Variants in ASXL2 observed in about 807,000 individuals in gnomAD.
ASXL2 encodes putative Polycomb group protein ASXL2.
Under a neutral mutation model 122.0 loss-of-function variants are expected in ASXL2, and 23 were observed. The ratio of observed to expected loss-of-function variants is 0.19; its 90% confidence interval spans 0.14 to 0.27. The LOEUF (loss-of-function observed/expected upper bound fraction) is 0.27. Ranked by LOEUF, ASXL2 falls within the 10% of genes least tolerant of loss-of-function variation. ASXL2 has a pLI of 1.00. For synonymous variants in ASXL2, 650 were observed against 637.0 expected, an observed-to-expected ratio of 1.02 and a Z score of -0.31; for missense variants, 1,518 against 1,713.8, an observed-to-expected ratio of 0.89 and a Z score of 2.02.
At chr2:25,806,457 T>C (rs1306754058) in intron 3 of ASXL2, 120 bp from the exon 4 acceptor site, 3 of 597,790 alleles carry the variant, frequency 5.0e-6, no homozygotes, top group East Asian at 5.7e-5. Context: ...AAACATATCT[T>C]ATAAACTATA....
At chr2:25,810,745 C>CTTGA in intron 3 of ASXL2, 1 of 588,734 alleles carries the variant, frequency 1.7e-6, no homozygotes, top group South Asian at 1.5e-5. Context: ...CAAGTCTTGC[C>CTTGA]TTGAGCCAGT....
At chr2:25,823,624 C>T (rs980520452) in intron 3 of ASXL2, among the ~76,000 whole-genome samples, 3 of 152,046 alleles carry the variant, frequency 2.0e-5, no homozygotes, top group African/African-American at 4.8e-5. Context: ...GAAAGCTGTA[C>T]ATTGTTGTTT....
chr2:25,814,533 C>T (rs561294142), intron 3 of ASXL2, among the ~76,000 whole-genome samples: 1 of 152,298 alleles, frequency 6.6e-6, no homozygotes, highest in South Asian at 2.1e-4. Context: ...AAGTCAGCTT[C>T]TAATTTTTCT....
At position 25,799,402 on chromosome 2, in the gene ASXL2, C is replaced by A; in HGVS notation, c.386G>T (p.Ser129Ile). ...GGATTTACCTTTCCTTTTCCACCTG[C>A]TCTTTTTTCCCTCCTTGTTGCTGCC... ...DGGSNKEGKK[S>I]RWKRKVSSSS... is the part of the protein sequence containing the mutation. The change falls in exon 5 of 13, where the codon AGC (serine) becomes ATC (isoleucine). Residue 129 changes from serine to isoleucine, a missense_variant. Ser to Ile is a moderately radical substitution (Grantham distance 142). Coordinates refer to ENST00000435504, the MANE Select transcript of ASXL2 (RefSeq NM_018263.6). 1 of 1,614,044 alleles carries A rather than the reference C, an allele frequency of 6.2e-7. No homozygotes were observed.
chr2:25,869,323 T>C (rs937612570), intron 1 of ASXL2, among the ~76,000 whole-genome samples: 2 of 150,386 alleles, frequency 1.3e-5, no homozygotes, highest in African/African-American at 4.9e-5. Flanking sequence ...GAGTAAAACG[T>C]TGTCTCCAAA....
At chr2:25,876,500 G>T (rs2090010863) in intron 1 of ASXL2, among the ~76,000 whole-genome samples, 1 of 152,068 alleles carries the variant, frequency 6.6e-6, no homozygotes, top group African/African-American at 2.4e-5. Flanking sequence ...GAAAGACCCT[G>T]TCTCTACAAA....
At chr2:25,803,441 C>G (rs745343659) in intron 4 of ASXL2, among the ~76,000 whole-genome samples, 1 of 152,140 alleles carries the variant, frequency 6.6e-6, no homozygotes, top group African/African-American at 2.4e-5. Flanking sequence ...CTGGGACTTG[C>G]GACAGTTGGC....
At position 25,748,454 on chromosome 2, in the gene ASXL2, CA is replaced by C. The variant is rs1457969409; in HGVS notation, c.1860+1241del. Among the ~76,000 whole-genome samples the C allele has an allele frequency of 5.3e-5, 8 of 151,706 alleles. No homozygotes were observed. The Middle Eastern group carries it at 0.01, about 194-fold the overall frequency. On this transcript the variant is annotated intron_variant, in intron 12 of 12. Transcript: ENST00000435504. ...CTGGGAGGTGGAGACTGCAGTGAGC[CA>C]AGATTGTGCCACTGCACTCCAGCCT... is the stretch of plus-strand genomic sequence containing the variant.
In ASXL2 at chr2:25,824,600, C is replaced by T. The variant is rs148914284; in HGVS notation, c.143+10938G>A. On this transcript the variant is annotated intron_variant, in intron 3 of 12. Coordinates refer to ENST00000435504, the MANE Select transcript of ASXL2 (RefSeq NM_018263.6). ...GCAATTTTGCTATCAATTCAAGAAT[C>T]GAACAAAATCAGAAACTCAGGTTTA... Among the ~76,000 whole-genome samples the T allele has an allele frequency of 5.6e-3, 856 of 152,228 alleles. 6 individuals carry two copies. Among genetic ancestry groups the T allele is most frequent in the African/African-American group, 0.017 (717 of 41,542 alleles).
intron 1 of ASXL2, among the ~76,000 whole-genome samples, chr2:25,849,029 G>C (rs949992890): frequency 4.6e-5 from 3 of 65,164 alleles, no homozygotes; most frequent in Non-Finnish European, 8.1e-5. Flanking sequence ...TGGATGACAA[G>C]AGCGAAACTC....
chr2:25,809,916 T>C (rs1256457642), intron 3 of ASXL2: 11 of 516,128 alleles, frequency 2.1e-5, no homozygotes, highest in Non-Finnish European at 4.2e-5. Context: ...AGGGTGAGAC[T>C]GAGGTGCTCT....
chr2:25,779,957 TC>T (rs2088607186), intron 5 of ASXL2, among the ~76,000 whole-genome samples: 1 of 152,170 alleles, frequency 6.6e-6, no homozygotes, highest in Non-Finnish European at 1.5e-5. Context: ...AACCTCTGCC[TC>T]CCAGGTTCAA....
intron 1 of ASXL2, among the ~76,000 whole-genome samples, chr2:25,858,779 G>A (rs2089811956): frequency 6.6e-6 from 1 of 151,254 alleles, no homozygotes. Context: ...GGAAGAAATG[G>A]TGACAAATAA....
chr2:25,744,134 C>T lies in ASXL2; in HGVS notation c.2203G>A (p.Gly735Arg), dbSNP rs1055930334. 1 of 1,613,980 alleles carries T rather than the reference C, an allele frequency of 6.2e-7. No individual in the cohort carries two copies. ...KGPTLELAGT[G>R]SRGGTRELLP... ...AGCTCTCTCGTACCTCCCCTGCTTC[C>T]AGTTCCTGCCAGTTCCAGTGTGGGG... The change falls in exon 13 of 13, where the codon GGA (glycine) becomes AGA (arginine). Residue 735 changes from glycine to arginine, a missense_variant. By Grantham distance (125) the Gly-to-Arg change is moderately radical. Transcript: ENST00000435504. The surrounding 1 kb of genome is among the most constrained non-coding windows in gnomAD (Gnocchi z 4.7).
chr2:25,871,497 T>TC (rs1261815658), intron 1 of ASXL2, among the ~76,000 whole-genome samples: 5 of 135,440 alleles, frequency 3.7e-5, no homozygotes, highest in Non-Finnish European at 8.2e-5. Flanking sequence ...AAATCTGCTT[T>TC]TTTCCCCTCC....
At chr2:25,817,898 G>T (rs887853155) in intron 3 of ASXL2, among the ~76,000 whole-genome samples, 9 of 152,112 alleles carry the variant, frequency 5.9e-5, no homozygotes, top group Non-Finnish European at 1.0e-4. Flanking sequence ...AAGATCAAGA[G>T]ACAAGCCAAA....
At chr2:25,770,696 A>G (rs2088433581) in intron 6 of ASXL2, among the ~76,000 whole-genome samples, 1 of 151,988 alleles carries the variant, frequency 6.6e-6, no homozygotes, top group South Asian at 2.1e-4. Flanking sequence ...CGGAGGTTGC[A>G]CTAGGCAACA....
chr2:25,807,596 C>T (rs1020161783), intron 3 of ASXL2, among the ~76,000 whole-genome samples: 3 of 151,628 alleles, frequency 2.0e-5, no homozygotes, highest in African/African-American at 7.3e-5. Context: ...ATAAAAATTG[C>T]CAAGAAATTT....
intron 3 of ASXL2, among the ~76,000 whole-genome samples, chr2:25,818,500 G>C (rs1323981650): frequency 6.6e-6 from 1 of 152,124 alleles, no homozygotes; most frequent in African/African-American, 2.4e-5. Flanking sequence ...GACTGAGTGA[G>C]AGCTCATCTC....
Sources: gnomAD v4.1 joint callset for allele counts (sites outside exome capture counted in the v4.1 genomes callset) on GRCh38, gnomAD v4.1.1 for gene constraint, Gnocchi (gnomAD v3.1) non-coding constraint, MANE v1.5 for transcripts, NCBI Gene and HGNC (gene_info 2026-07-23, HGNC 2026-07-21) for gene names.